EFHB: variants seen among roughly 807,000 people sequenced by gnomAD.
EFHB encodes the protein EF-hand domain-containing family member B.
EFHB carries 91 observed loss-of-function variants against 87.2 expected under a neutral mutation model. The observed-to-expected ratio is 1.04, with a 90% CI of 0.88 to 1.24. EFHB has a LOEUF of 1.24. Ranked by LOEUF, EFHB falls within the 50% of genes most tolerant of loss-of-function variation. The probability of loss-of-function intolerance (pLI) is 0.00; values close to 1 mark genes in which losing one functional copy is unlikely to be tolerated. For missense variants in EFHB, 1,084 were observed against 998.8 expected, an observed-to-expected ratio of 1.09 and a Z score of -1.15; for synonymous variants, 325 against 333.6, an observed-to-expected ratio of 0.97 and a Z score of 0.28.
chr3:19,908,776 A>G (rs1694957361), intron 5 of EFHB, among the ~76,000 whole-genome samples: 1 of 152,138 alleles, frequency 6.6e-6, no homozygotes, highest in South Asian at 2.1e-4. Context: ...AAGTTATTTT[A>G]AAGTATTAAG....
chr3:19,920,460 T>G (rs748559967), intron 2 of EFHB, 45 bp downstream of exon 2: 5 of 1,486,924 alleles, frequency 3.4e-6, no homozygotes, highest in Non-Finnish European at 4.6e-6. Flanking sequence ...AATGTTCACA[T>G]AGAAGGTAAA....
At position 19,933,951 on chromosome 3, in the gene EFHB, C is replaced by G. The variant is rs374170003; in HGVS notation, c.68G>C (p.Gly23Ala). 1.9e-6 allele frequency: 3 copies of G among 1,613,622 alleles called. No homozygotes were observed. The East Asian group carries it at 6.7e-5, about 36-fold the overall frequency. ...CCCCAACTCCATGGGAAATTTTGTT[C>G]CCATGATGACCCTCTTGTCTCCTAA... The part of the protein sequence containing the change: ...DDLGDKRVIM[G>A]TKFPMELGIR... The change falls in exon 1 of 13, where the codon GGA (glycine) becomes GCA (alanine). Residue 23 changes from glycine (G) to alanine (A), a missense_variant. Physicochemically the swap from Gly to Ala is moderately conservative, Grantham distance 60 (BLOSUM62 0). Transcript: ENST00000295824.
chr3:19,897,199 G>A (rs1694518997), intron 8 of EFHB, among the ~76,000 whole-genome samples: 1 of 152,188 alleles, frequency 6.6e-6, no homozygotes, highest in Non-Finnish European at 1.5e-5. Context: ...TGAAAGCTAG[G>A]GCTGATTCCA....
intron 9 of EFHB, among the ~76,000 whole-genome samples, chr3:19,889,129 A>AG (rs1694213112): frequency 6.6e-6 from 1 of 152,242 alleles, no homozygotes; most frequent in African/African-American, 2.4e-5. Context: ...CCTGGTAAGT[A>AG]GGGGGAGGAG....
intron 5 of EFHB, among the ~76,000 whole-genome samples, chr3:19,907,544 T>C (rs1294122505): frequency 6.6e-6 from 1 of 152,184 alleles, no homozygotes; most frequent in African/African-American, 2.4e-5. Context: ...GCACTTGTTC[T>C]CACTGAGATT....
upstream of EFHB, among the ~76,000 whole-genome samples, chr3:19,934,396 C>T (rs980477709): frequency 7.0e-6 from 1 of 143,648 alleles, no homozygotes; most frequent in South Asian, 2.4e-4. Context: ...TCTCTGCCCC[C>T]CCTTCTCTCT....
At position 19,882,710 on chromosome 3, in the gene EFHB, G is replaced by T. The variant is rs755234833; in HGVS notation, c.2168C>A (p.Pro723Gln). Residue 723 changes from proline to glutamine, a missense_variant, in exon 12 of 13, where the codon CCA becomes CAA. Transcript: ENST00000295824. Reference sequence around the variant, plus strand: ...AGCAGGAATGTCAGATCGAATGGTTGGAACACCACAAATGGGGTAACCTAG... The same window carrying T: ...AGCAGGAATGTCAGATCGAATGGTTTGAACACCACAAATGGGGTAACCTAG... Reference protein sequence around the residue: ...PSTCYPICGVPTIRSDIPAPR... With the variant: ...PSTCYPICGVQTIRSDIPAPR... 1.2e-6 allele frequency: 2 copies of T among 1,613,154 alleles called. No homozygotes were observed. The highest frequency in any genetic ancestry group is 2.2e-5 in the East Asian group (1 of 44,872).
At chr3:19,909,612 A>T (rs932714672) in intron 5 of EFHB, among the ~76,000 whole-genome samples, 1 of 151,942 alleles carries the variant, frequency 6.6e-6, no homozygotes, top group Non-Finnish European at 1.5e-5. Flanking sequence ...AGCCAAGGGA[A>T]TGCTGGCATC....
chr3:19,879,838 A>C (rs745976254), intron 12 of EFHB, 34 bp from the exon 13 acceptor site: 13 of 1,526,256 alleles, frequency 8.5e-6, no homozygotes, highest in Non-Finnish European at 1.1e-5. Flanking sequence ...ACCATGATTT[A>C]TATGTTTTAA....
chr3:19,884,268 G>A (rs2071755451), intron 11 of EFHB, 135 bp downstream of exon 11: 1 of 784,712 alleles, frequency 1.3e-6, no homozygotes. Context: ...CTCCCCAGGT[G>A]GTTAGAATAT....
chr3:19,883,378 C>T (rs375049785), intron 11 of EFHB, among the ~76,000 whole-genome samples: 3 of 152,116 alleles, frequency 2.0e-5, no homozygotes, highest in African/African-American at 4.8e-5. Flanking sequence ...CACAGTCTAA[C>T]GAGAGTAACA....
At position 19,920,511 on chromosome 3, in the gene EFHB, A is replaced by G; in HGVS notation, c.846T>C (p.Leu282=). 1 of 1,602,348 alleles carries G rather than the reference A, an allele frequency of 6.2e-7. No homozygotes were observed. The highest frequency in any genetic ancestry group is 1.3e-5 in the African/African-American group (1 of 74,366). ...GTATATTGAAAGTGCTCACCCTGGG[A>G]AGTTTTTCAGTCAAGCAGGTTGCAA... ...YRVATCLTEK[L]PRLITPPEAK... is the part of the protein sequence containing the mutation. The change falls in exon 2 of 13, where the codon CTT becomes CTC. Residue 282 remains leucine, a synonymous_variant. Coordinates refer to ENST00000295824, the MANE Select transcript of EFHB (RefSeq NM_144715.4).
chr3:19,938,232 G>A (rs561676908), upstream of EFHB, among the ~76,000 whole-genome samples: 2 of 152,252 alleles, frequency 1.3e-5, no homozygotes, highest in African/African-American at 2.4e-5. Context: ...CTGAGATTAC[G>A]GTAGTGTTCC....
chr3:19,936,394 C>A, upstream of EFHB: 1 of 500,612 alleles, frequency 2.0e-6, no homozygotes, highest in Non-Finnish European at 3.6e-6. Context: ...TGAGACCTAT[C>A]CCTACAAAAA....
intron 9 of EFHB, among the ~76,000 whole-genome samples, chr3:19,894,163 G>C (rs1694396139): frequency 6.6e-6 from 1 of 152,212 alleles, no homozygotes; most frequent in South Asian, 2.1e-4. Context: ...CTTCAGTGTT[G>C]TGTTACATAT....
At chr3:19,936,305 G>T, upstream of EFHB, 1 of 578,618 alleles carries the variant, frequency 1.7e-6, no homozygotes, top group Non-Finnish European at 3.1e-6. Flanking sequence ...AGCCATCATT[G>T]CACCATTGCA....
intron 6 of EFHB, among the ~76,000 whole-genome samples, chr3:19,902,036 T>C (rs185737971): frequency 6.6e-6 from 1 of 152,154 alleles, no homozygotes; most frequent in East Asian, 1.9e-4. Flanking sequence ...CAGAGCCAAC[T>C]CTTTTTAGTC....
chr3:19,920,897 A>T (rs1695415966), intron 1 of EFHB, among the ~76,000 whole-genome samples: 1 of 152,172 alleles, frequency 6.6e-6, no homozygotes. Flanking sequence ...CAGGTTAATT[A>T]TTCATTGTTC....
chr3:19,902,811 C>T (rs1211789210), intron 6 of EFHB, among the ~76,000 whole-genome samples: 1 of 152,176 alleles, frequency 6.6e-6, no homozygotes, highest in Admixed American at 6.5e-5. Context: ...AAGTAGTGAG[C>T]TCTTTTTAAA....
Sources: gnomAD v4.1 joint callset for allele counts (sites outside exome capture counted in the v4.1 genomes callset) on GRCh38, gnomAD v4.1.1 for gene constraint, MANE v1.5 for transcripts, NCBI Gene and HGNC (gene_info 2026-07-23, HGNC 2026-07-21) for gene names.